The following ANKS1B variants were observed in gnomAD, a reference collection of about 807,000 sequenced individuals.
ANKS1B encodes the protein ankyrin repeat and sterile alpha motif domain containing 1B, also known as ankyrin repeat and sterile alpha motif domain-containing protein 1B.
Under a neutral mutation model 148.3 loss-of-function variants are expected in ANKS1B, and 36 were observed. That is an observed-to-expected ratio of 0.24 (90% CI 0.19 to 0.32). ANKS1B has a LOEUF of 0.32. Ranked by LOEUF, ANKS1B falls within the 10% of genes least tolerant of loss-of-function variation. The probability of loss-of-function intolerance (pLI) is 1.00; values close to 1 mark genes in which losing one functional copy is unlikely to be tolerated. For synonymous variants in ANKS1B, 542 were observed against 560.8 expected, an observed-to-expected ratio of 0.97 and a Z score of 0.47; for missense variants, 1,157 against 1,542.6, an observed-to-expected ratio of 0.75 and a Z score of 4.19.
At chr12:99,549,342 T>G (rs2097198264) in intron 9 of ANKS1B, among the ~76,000 whole-genome samples, 1 of 152,198 alleles carries the variant, frequency 6.6e-6, no homozygotes, top group Non-Finnish European at 1.5e-5. Flanking sequence ...GGCAAAAGAC[T>G]AGGAAGTTTA....
chr12:99,772,604 T>C (rs2063299684), intron 8 of ANKS1B: 1 of 180,710 alleles, frequency 5.5e-6, no homozygotes, highest in Admixed American at 6.2e-5. Context: ...GTTTTTGTCT[T>C]TTTTTGGGAA....
intron 14 of ANKS1B, among the ~76,000 whole-genome samples, chr12:99,171,868 G>C (rs1256323038): frequency 1.3e-5 from 2 of 152,156 alleles, no homozygotes; most frequent in African/African-American, 4.8e-5. Flanking sequence ...GACAGCCTTT[G>C]TGTTAGGACC....
intron 17 of ANKS1B, among the ~76,000 whole-genome samples, chr12:98,960,289 G>C (rs888382214): frequency 5.3e-5 from 8 of 152,200 alleles, no homozygotes; most frequent in Admixed American, 2.6e-4. Context: ...CACAGAGAGA[G>C]AGAGAGAGAG....
At chr12:99,702,710 T>C (rs77111691) in intron 8 of ANKS1B, among the ~76,000 whole-genome samples, 1 of 94,694 alleles carries the variant, frequency 1.1e-5, no homozygotes, top group Non-Finnish European at 2.0e-5. Context: ...ACCCAGCTAA[T>C]TTTTTTTTTT....
At chr12:99,415,661 A>G (rs1912862) in intron 11 of ANKS1B, among the ~76,000 whole-genome samples, 41,626 of 151,948 alleles carry the variant, frequency 0.27, 5,851 homozygotes, top group East Asian at 0.43. Flanking sequence ...AAACAGAGCA[A>G]TTCCATCACC....
At chr12:99,871,987 T>C (rs1220251353) in intron 1 of ANKS1B, among the ~76,000 whole-genome samples, 2 of 152,118 alleles carry the variant, frequency 1.3e-5, no homozygotes, top group East Asian at 1.9e-4. Context: ...AATGAAAAGA[T>C]TGATAACTTG....
intron 12 of ANKS1B, among the ~76,000 whole-genome samples, chr12:99,299,257 C>T (rs1225561199): frequency 3.3e-5 from 5 of 151,984 alleles, no homozygotes; most frequent in Non-Finnish European, 5.9e-5. Context: ...GACGAGGTCT[C>T]GCTATGTTGT....
chr12:99,472,964 G>A (rs1019074687), intron 10 of ANKS1B, among the ~76,000 whole-genome samples: 1 of 151,980 alleles, frequency 6.6e-6, no homozygotes, highest in Non-Finnish European at 1.5e-5. Flanking sequence ...TCTTCTAAGA[G>A]CATGTCTTAC....
At position 98,798,945 on chromosome 12, in the gene ANKS1B, C is replaced by T. The variant is rs1471605215; in HGVS notation, c.3331G>A (p.Ala1111Thr). ...RGTESTQDAC[A>T]KMRANCQKST... ...TTTGGCAGACTTACCCGCATTTTTG[C>T]ACAAGCATCTTGGGTTGATTCTGTC... Residue 1111 changes from alanine to threonine, a missense_variant, in exon 22 of 27, where the codon GCA (alanine) becomes ACA (threonine). This residue lies in a region of ANKS1B where 258 missense variants were observed against 497.0 expected (regional missense o/e 0.52). Transcript: ENST00000683438. 1.9e-6 allele frequency: 3 copies of T among 1,610,144 alleles called. No individual in the cohort carries two copies. The Admixed American group carries it at 5.0e-5, about 27-fold the overall frequency.
intron 17 of ANKS1B, chr12:99,048,895 G>C (rs1258981144): frequency 6.6e-6 from 1 of 152,238 alleles, no homozygotes; most frequent in Admixed American, 6.5e-5. Context: ...ATATATGCCT[G>C]GAAAAGTCTA....
chr12:98,884,805 CAAAAA>C (rs35160751), intron 17 of ANKS1B, among the ~76,000 whole-genome samples: 10 of 83,806 alleles, frequency 1.2e-4, no homozygotes, highest in African/African-American at 3.7e-4. Context: ...GACTCCGTCT[CAAAAA>C]AAAAAAAAAA....
At chr12:99,668,334 T>C (rs2098519481) in intron 8 of ANKS1B, among the ~76,000 whole-genome samples, 1 of 152,082 alleles carries the variant, frequency 6.6e-6, no homozygotes, top group South Asian at 2.1e-4. Flanking sequence ...CCCCTCCCTT[T>C]TATTTCTATT....
chr12:99,330,827 A>G (rs1357487511), intron 12 of ANKS1B, among the ~76,000 whole-genome samples: 1 of 151,962 alleles, frequency 6.6e-6, no homozygotes, highest in African/African-American at 2.4e-5. Context: ...TAACAGAAAA[A>G]TTGGGTCAAT....
chr12:99,574,116 T>G (rs2097491438), intron 9 of ANKS1B, among the ~76,000 whole-genome samples: 1 of 152,042 alleles, frequency 6.6e-6, no homozygotes, highest in Non-Finnish European at 1.5e-5. Flanking sequence ...TTCCATGGCC[T>G]CAGTTGAGTT....
intron 1 of ANKS1B, among the ~76,000 whole-genome samples, chr12:99,856,784 A>G (rs959348993): frequency 5.9e-5 from 9 of 152,194 alleles, no homozygotes; most frequent in Non-Finnish European, 1.2e-4. Context: ...AACAAAAATC[A>G]CATGATCATC....
At chr12:98,735,368 C>T in exon 10 of ANKS1B, 1 of 428,370 alleles carries the variant, frequency 2.3e-6, no homozygotes, top group East Asian at 3.3e-5. Flanking sequence ...CCTTGGTATA[C>T]ATTTTAAAAT....
intron 9 of ANKS1B, chr12:99,649,551 G>C (rs527790688): frequency 1.5e-4 from 89 of 610,872 alleles, no homozygotes; most frequent in Non-Finnish European, 2.2e-4. Context: ...CTGCAACCAA[G>C]TCTGCAGACT....
chr12:99,356,673 C>T (rs1295473566), intron 12 of ANKS1B, among the ~76,000 whole-genome samples: 1 of 152,114 alleles, frequency 6.6e-6, no homozygotes, highest in South Asian at 2.1e-4. Context: ...TCCTGGAGGG[C>T]CATCTGGTTC....
At chr12:99,462,189 A>T (rs1039202058) in intron 10 of ANKS1B, among the ~76,000 whole-genome samples, 4 of 152,272 alleles carry the variant, frequency 2.6e-5, no homozygotes, top group Middle Eastern at 3.4e-3. Context: ...TAGCTGTATG[A>T]TGTGTTGCTG....
Sources: gnomAD v4.1 joint callset for allele counts (sites outside exome capture counted in the v4.1 genomes callset) on GRCh38, gnomAD v4.1.1 for gene constraint, gnomAD v4.1.1 regional missense constraint, MANE v1.5 for transcripts, NCBI Gene and HGNC (gene_info 2026-07-23, HGNC 2026-07-21) for gene names.